Variants in AGAP1 observed in about 807,000 individuals in gnomAD.
AGAP1 encodes the protein ArfGAP with GTPase domain, ankyrin repeat and PH domain 1, also known as arf-GAP with GTPase, ANK repeat and PH domain-containing protein 1.
Under a neutral mutation model 105.3 loss-of-function variants are expected in AGAP1, and 29 were observed. That is an observed-to-expected ratio of 0.28 (90% CI 0.21 to 0.38). The LOEUF (loss-of-function observed/expected upper bound fraction) is 0.38. Among genes scored for constraint, AGAP1 ranks in the 10% least tolerant of loss-of-function variants. The pLI is 1.00. For synonymous variants in AGAP1, 509 were observed against 485.9 expected (o/e 1.05, Z -0.63); for missense variants, 998 against 1,165.1 (o/e 0.86, Z 2.09).
rs1952144970 is a variant in AGAP1, at chr2:235,734,721, G to C, written c.311-6242G>C. On this transcript the variant is annotated intron_variant, in intron 3 of 17. Transcript: ENST00000304032. This position sits in a 1 kb window ranked among gnomAD's most constrained non-coding sequence, Gnocchi z 5.3. Reference sequence around the variant, plus strand: ...ATAAGATAGTCCCGCCTCTCTGCCTGTTTGATGTTGGCCCTGTGGATGCTG... The same window carrying C: ...ATAAGATAGTCCCGCCTCTCTGCCTCTTTGATGTTGGCCCTGTGGATGCTG... Among the ~76,000 whole-genome samples, 1 of 152,222 alleles carries C rather than the reference G, an allele frequency of 6.6e-6. No individual in the cohort carries two copies. Among genetic ancestry groups the C allele is most frequent in the African/African-American group, 2.4e-5 (1 of 41,462 alleles).
intron 1 of AGAP1, among the ~76,000 whole-genome samples, chr2:235,657,793 A>G (rs561092252): frequency 4.3e-4 from 65 of 152,302 alleles, no homozygotes; most frequent in Middle Eastern, 3.4e-3. Flanking sequence ...ATGCGATTCT[A>G]TTTGGAGACA....
intron 13 of AGAP1, among the ~76,000 whole-genome samples, chr2:236,029,102 A>G (rs539633917): frequency 4.6e-5 from 7 of 150,868 alleles, no homozygotes; most frequent in African/African-American, 1.7e-4. Flanking sequence ...CCTCACCGCT[A>G]CTCTCACGTT....
chr2:236,127,340 G>A lies in AGAP1; in HGVS notation c.*3218G>A, dbSNP rs143929633. On this transcript the variant is annotated 3_prime_UTR_variant, in exon 18 of 18. Coordinates refer to ENST00000304032, the MANE Select transcript of AGAP1 (RefSeq NM_001037131.3). The surrounding 1 kb of genome is among the most constrained non-coding windows in gnomAD (Gnocchi z 6.6). ...TTTCATCCCAGGAAATGAGCAGCTC[G>A]AGGGTGAGCAAGTGACAAGTTCCTG... 1.7e-3 allele frequency: 257 copies of A among 152,356 alleles called. 2 individuals are homozygous for A. Among genetic ancestry groups the A allele is most frequent in the African/African-American group, 5.8e-3 (242 of 41,562 alleles). 9.4% of individuals were successfully genotyped at this position (152,356 alleles called of 1,614,324 possible).
chr2:235,852,481 T>C (rs1326496018), intron 9 of AGAP1, among the ~76,000 whole-genome samples: 1 of 152,156 alleles, frequency 6.6e-6, no homozygotes, highest in African/African-American at 2.4e-5. Flanking sequence ...TTTAGGAAAT[T>C]GGGTGTTTGC....
In AGAP1 at chr2:235,976,328, G is replaced by A. The variant is rs2054855651; in HGVS notation, c.1645+7705G>A. On this transcript the variant is annotated intron_variant, in intron 13 of 17. Transcript: ENST00000304032. This position sits in a 1 kb window ranked among gnomAD's most constrained non-coding sequence, Gnocchi z 4.5. The stretch of plus-strand genomic sequence containing the variant: ...CTCTAGACATTGACATTGTAGATTG[G>A]GCACAGTTGACTCAAAAGCCATCCT... Among the ~76,000 whole-genome samples, 1 of 152,190 alleles carries A rather than the reference G, an allele frequency of 6.6e-6. No homozygotes were observed. The highest frequency in any genetic ancestry group is 2.4e-5 in the African/African-American group (1 of 41,512).
At chr2:235,758,908 C>G (rs142665142) in intron 6 of AGAP1, among the ~76,000 whole-genome samples, 4 of 152,112 alleles carry the variant, frequency 2.6e-5, no homozygotes, top group African/African-American at 4.8e-5. Context: ...TCCTCCCGCC[C>G]CAGCCTCCCA....
chr2:236,028,317 C>T (rs1321304486), intron 13 of AGAP1, among the ~76,000 whole-genome samples: 1 of 152,194 alleles, frequency 6.6e-6, no homozygotes, highest in African/African-American at 2.4e-5. Flanking sequence ...CACCCTCAGG[C>T]TCTGGTTAAT....
intron 12 of AGAP1, among the ~76,000 whole-genome samples, chr2:235,955,383 G>A (rs75027266): frequency 6.6e-6 from 1 of 152,148 alleles, no homozygotes; most frequent in Non-Finnish European, 1.5e-5. Flanking sequence ...CTTACACACC[G>A]TTGGTGGGAG....
At chr2:235,859,402 C>T (rs1186395366) in intron 9 of AGAP1, among the ~76,000 whole-genome samples, 1 of 95,516 alleles carries the variant, frequency 1.0e-5, no homozygotes, top group Non-Finnish European at 2.6e-5. Flanking sequence ...CTCCCCCCCC[C>T]CCCCCGCCTT....
intron 1 of AGAP1, among the ~76,000 whole-genome samples, chr2:235,607,541 A>G (rs1945986138): frequency 1.3e-5 from 2 of 152,312 alleles, no homozygotes; most frequent in Middle Eastern, 3.4e-3. Context: ...CTGGGTGTCC[A>G]CTGTCAGAGG....
At chr2:235,505,636 T>A (rs994560443) in intron 1 of AGAP1, 7 of 151,464 alleles carry the variant, frequency 4.6e-5, no homozygotes, top group Non-Finnish European at 8.8e-5. Flanking sequence ...CTGATACAGG[T>A]AGAGATCGCA....
intron 13 of AGAP1, among the ~76,000 whole-genome samples, chr2:235,980,063 A>G (rs1017398116): frequency 6.6e-6 from 1 of 152,168 alleles, no homozygotes; most frequent in African/African-American, 2.4e-5. Context: ...GACAGTAATG[A>G]TCTTATTACA....
chr2:235,652,855 G>C (rs926970510), intron 1 of AGAP1, among the ~76,000 whole-genome samples: 2 of 152,094 alleles, frequency 1.3e-5, no homozygotes, highest in Admixed American at 1.3e-4. Flanking sequence ...CAATGAGTCA[G>C]CTACTCAGGA....
rs1447834859 is a variant in AGAP1, at chr2:235,795,039, AATTAACG to A, written c.674-2715_674-2709del. Reference sequence around the variant, plus strand: ...TTTAAATGTTCTAAATAGTATGAGTAATTAACGATTACAGCCACAGAAGAGCAGCTCC... The same window carrying A: ...TTTAAATGTTCTAAATAGTATGAGTAATTACAGCCACAGAAGAGCAGCTCC... On this transcript the variant is annotated intron_variant, in intron 6 of 17. Transcript: ENST00000304032. Among the ~76,000 whole-genome samples, 6 of 152,348 alleles carry A rather than the reference AATTAACG, an allele frequency of 3.9e-5. 1 individual carries two copies. In the Middle Eastern group the frequency reaches 0.01, roughly 259 times the overall value.
At chr2:236,026,975 A>C (rs941033782) in intron 13 of AGAP1, among the ~76,000 whole-genome samples, 1 of 152,170 alleles carries the variant, frequency 6.6e-6, no homozygotes, top group Admixed American at 6.5e-5. Context: ...AAGAGAGGAA[A>C]ATGATTACAA....
At position 236,044,956 on chromosome 2, in the gene AGAP1, C is replaced by T. The variant is rs1362158808; in HGVS notation, c.1892-4103C>T. On this transcript the variant is annotated intron_variant, in intron 15 of 17. Transcript: ENST00000304032. This position sits in a 1 kb window ranked among gnomAD's most constrained non-coding sequence, Gnocchi z 5.7. ...GAAAGGGTAGGCTGCCTCTCGGGGCCTGTCCATGATTGCAGCAGTGCAATC... is the reference window on the plus strand; with the variant it reads ...GAAAGGGTAGGCTGCCTCTCGGGGCTTGTCCATGATTGCAGCAGTGCAATC... Among the ~76,000 whole-genome samples, 1 of 152,194 alleles carries T rather than the reference C, an allele frequency of 6.6e-6. No individual in the cohort carries two copies. The highest frequency in any genetic ancestry group is 2.4e-5 in the African/African-American group (1 of 41,450).
Position 236,123,994 on chromosome 2 carries a change from G to C in AGAP1, c.2446G>C (p.Glu816Gln). ...CTACGCCCGGCAGGCCTCCAGCCAG[G>C]AGTGCATCGACGTGCTGCTGCAGTA... Reference protein sequence around the residue: ...LAYARQASSQECIDVLLQYGC... With the variant: ...LAYARQASSQQCIDVLLQYGC... The change falls in exon 18 of 18, where the codon GAG becomes CAG. Residue 816 changes from glutamate (E) to glutamine (Q), a missense_variant. Physicochemically the swap from Glu to Gln is conservative, Grantham distance 29. Transcript: ENST00000304032. The surrounding 1 kb of genome is among the most constrained non-coding windows in gnomAD (Gnocchi z 4.6). The C allele has an allele frequency of 1.2e-6, 2 of 1,614,080 alleles. No homozygotes were observed. The highest frequency in any genetic ancestry group is 1.7e-5 in the Admixed American group (1 of 60,028).
In AGAP1 at chr2:235,504,892, C is replaced by T. The variant is rs1324920640; in HGVS notation, c.163+10043C>T. Among the ~76,000 whole-genome samples the T allele has an allele frequency of 4.6e-4, 70 of 152,112 alleles. 2 individuals carry two copies. Among genetic ancestry groups the T allele is most frequent in the Admixed American group, 4.5e-3 (69 of 15,272 alleles). ...TTGGATTGTCTGCAGGCTATTAATT[C>T]CTTGTTAGTTGAATAATGACGGCTG... On this transcript the variant is annotated intron_variant, in intron 1 of 17. Transcript: ENST00000304032.
chr2:235,669,898 G>T (rs958694596), intron 1 of AGAP1: 2 of 147,746 alleles, frequency 1.4e-5, no homozygotes, highest in Non-Finnish European at 3.0e-5. Flanking sequence ...TCGGCGCCCC[G>T]GGCCCGGACC....
Sources: gnomAD v4.1 joint callset for allele counts (sites outside exome capture counted in the v4.1 genomes callset) on GRCh38, gnomAD v4.1.1 for gene constraint, Gnocchi (gnomAD v3.1) non-coding constraint, MANE v1.5 for transcripts, NCBI Gene and HGNC (gene_info 2026-07-23, HGNC 2026-07-21) for gene names.